Variants in FBXW7 observed in about 807,000 individuals in gnomAD.
FBXW7 encodes F-box/WD repeat-containing protein 7.
A neutral mutation model predicts 86.3 loss-of-function variants in FBXW7; 11 were observed. That is an observed-to-expected ratio of 0.13 (90% confidence interval 0.08 to 0.21). FBXW7 has a LOEUF of 0.21. Ranked by LOEUF, FBXW7 falls within the 10% of genes least tolerant of loss-of-function variation. The pLI is 1.00. For missense variants in FBXW7, 488 were observed against 847.4 expected (o/e 0.58, Z 5.27); for synonymous variants, 313 against 297.9 (o/e 1.05, Z -0.52).
At chr4:152,357,855 G>C (rs1732547689) in intron 4 of FBXW7, among the ~76,000 whole-genome samples, 1 of 152,108 alleles carries the variant, frequency 6.6e-6, no homozygotes, top group African/African-American at 2.4e-5. Context: ...CAAGTTAAGA[G>C]TTCTATTTAT....
At chr4:152,356,643 C>T (rs1202406686) in intron 4 of FBXW7, among the ~76,000 whole-genome samples, 2 of 152,116 alleles carry the variant, frequency 1.3e-5, no homozygotes, top group Non-Finnish European at 2.9e-5. Flanking sequence ...AAAGGAATGC[C>T]AAGCATGTTG....
chr4:152,324,123 T>C (rs868446599), intron 13 of FBXW7, 61 bp downstream of exon 13: 7 of 1,337,448 alleles, frequency 5.2e-6, no homozygotes, highest in Middle Eastern at 2.6e-4. Flanking sequence ...TAAGGCTCCA[T>C]ATTTCTCTTG....
intron 3 of FBXW7, 99 bp from the exon 4 acceptor site, chr4:152,411,971 C>CA (rs1328186619): frequency 1.7e-6 from 2 of 1,143,486 alleles, no homozygotes; most frequent in Non-Finnish European, 2.3e-6. Flanking sequence ...TTAATGATTG[C>CA]AAAAAAGTAT....
chr4:152,429,923 A>G (rs17361684), intron 2 of FBXW7, among the ~76,000 whole-genome samples: 2,650 of 152,328 alleles, frequency 0.017, 33 homozygotes, highest in Non-Finnish European at 0.026. Flanking sequence ...TATCTTGAGT[A>G]GCTAAATTGG....
At chr4:152,435,734 T>C (rs1016862315) in intron 2 of FBXW7, among the ~76,000 whole-genome samples, 15 of 152,240 alleles carry the variant, frequency 9.9e-5, no homozygotes, top group Non-Finnish European at 1.6e-4. Context: ...TCACAAATAG[T>C]ATATTTTTTT....
At chr4:152,459,883 G>A (rs1433228519) in intron 2 of FBXW7, among the ~76,000 whole-genome samples, 1 of 152,152 alleles carries the variant, frequency 6.6e-6, no homozygotes, top group Non-Finnish European at 1.5e-5. Flanking sequence ...AACCAAAATT[G>A]TGGAAAGCAA....
chr4:152,372,165 A>G (rs1169086765), intron 4 of FBXW7, among the ~76,000 whole-genome samples: 2 of 152,016 alleles, frequency 1.3e-5, no homozygotes, highest in Non-Finnish European at 2.9e-5. Context: ...TTATATGGTT[A>G]TAATAGCCTA....
At chr4:152,326,333 GCT>G in intron 11 of FBXW7, 102 bp from the exon 12 acceptor site, 1 of 644,258 alleles carries the variant, frequency 1.6e-6, no homozygotes, top group Non-Finnish European at 2.5e-6. Context: ...AGGTTTTTTA[GCT>G]TTTTTTTTTT....
chr4:152,521,479 A>G (rs1220908999), intron 2 of FBXW7, among the ~76,000 whole-genome samples: 1 of 152,242 alleles, frequency 6.6e-6, no homozygotes, highest in Non-Finnish European at 1.5e-5. Flanking sequence ...ACACACAACC[A>G]GTGTTTGGAT....
At chr4:152,473,043 C>T (rs1744100507) in intron 2 of FBXW7, among the ~76,000 whole-genome samples, 1 of 152,088 alleles carries the variant, frequency 6.6e-6, no homozygotes, top group Admixed American at 6.5e-5. Flanking sequence ...TGCTAATGCC[C>T]AGCCTGGCAA....
chr4:152,473,790 G>A (rs1744166159), intron 2 of FBXW7, among the ~76,000 whole-genome samples: 1 of 151,922 alleles, frequency 6.6e-6, no homozygotes, highest in African/African-American at 2.4e-5. Flanking sequence ...CTTTCTAAAT[G>A]GCATATTTTC....
At chr4:152,529,279 CAAAT>C (rs1266912056) in intron 2 of FBXW7, among the ~76,000 whole-genome samples, 1 of 151,814 alleles carries the variant, frequency 6.6e-6, no homozygotes, top group African/African-American at 2.4e-5. Context: ...TAATCCTTTC[CAAAT>C]AAATAGGGAA....
intron 4 of FBXW7, among the ~76,000 whole-genome samples, chr4:152,385,418 G>A (rs1157652938): frequency 6.6e-6 from 1 of 151,822 alleles, no homozygotes; most frequent in Non-Finnish European, 1.5e-5. Flanking sequence ...GAACTCTAAA[G>A]TCACATGTAT....
chr4:152,390,397 C>T (rs1284503055), intron 4 of FBXW7, among the ~76,000 whole-genome samples: 10 of 152,056 alleles, frequency 6.6e-5, no homozygotes, highest in Non-Finnish European at 7.4e-5. Context: ...TTAAGCTTAA[C>T]TCTTACAGGC....
rs116237258 is a variant in FBXW7 at position 152,503,860 on chromosome 4, A to G, written c.-120+31081T>C. 5.3e-3 allele frequency among the ~76,000 whole-genome samples: 815 copies of G among 152,338 alleles called. 5 individuals carry two copies. Among genetic ancestry groups the G allele is most frequent in the Non-Finnish European group, 9.2e-3 (625 of 68,024 alleles). On this transcript the variant is annotated intron_variant, in intron 2 of 13. Coordinates refer to ENST00000281708, the MANE Select transcript of FBXW7 (RefSeq NM_001349798.2). ...ATATCTGTGTTCAGCTTTCTGAAAC[A>G]GACTATGAAAAGCCCTATGTAAAGA...
chr4:152,354,806 A>G (rs1027001433), intron 4 of FBXW7, among the ~76,000 whole-genome samples: 6 of 152,128 alleles, frequency 3.9e-5, no homozygotes, highest in Non-Finnish European at 8.8e-5. Context: ...TCCATGTTTT[A>G]TTACCAGGTT....
At chr4:152,422,646 T>C (rs750780744) in intron 2 of FBXW7, among the ~76,000 whole-genome samples, 1 of 152,158 alleles carries the variant, frequency 6.6e-6, no homozygotes, top group Non-Finnish European at 1.5e-5. Flanking sequence ...CAGAAAACTA[T>C]ACAAAAACTT....
At chr4:152,482,525 C>A (rs1264222567) in intron 2 of FBXW7, among the ~76,000 whole-genome samples, 1 of 152,074 alleles carries the variant, frequency 6.6e-6, no homozygotes, top group Non-Finnish European at 1.5e-5. Context: ...TCACCACTTC[C>A]TTGTTTTCTG....
chr4:152,390,974 CAT>C (rs568138222), intron 4 of FBXW7, among the ~76,000 whole-genome samples: 82 of 151,828 alleles, frequency 5.4e-4, no homozygotes, highest in African/African-American at 1.9e-3. Context: ...CTTATGGAAA[CAT>C]AAAAAATCTG....
Sources: allele counts gnomAD v4.1 joint callset (sites outside exome capture counted in the v4.1 genomes callset), GRCh38; gene constraint gnomAD v4.1.1; transcripts MANE v1.5; gene names NCBI Gene and HGNC (gene_info 2026-07-23, HGNC 2026-07-21).